The following HGD variants were observed in gnomAD, a reference collection of about 807,000 sequenced individuals.
HGD encodes homogentisate oxidase.
HGD carries 61 observed loss-of-function variants against 60.8 expected under a neutral mutation model. That is an observed-to-expected ratio of 1.00 (90% CI 0.82 to 1.24). The LOEUF (loss-of-function observed/expected upper bound fraction) is 1.24. Ranked by LOEUF, HGD falls within the 50% of genes most tolerant of loss-of-function variation. The pLI, the probability that HGD is intolerant of heterozygous loss-of-function variation, is 0.00. For missense variants in HGD, 542 were observed against 547.1 expected (o/e 0.99, Z 0.09); for synonymous variants, 212 against 187.7 (o/e 1.13, Z -1.06).
At chr3:120,635,885 C>T (rs1940755651) in intron 12 of HGD, among the ~76,000 whole-genome samples, 1 of 152,082 alleles carries the variant, frequency 6.6e-6, no homozygotes, top group African/African-American at 2.4e-5. Context: ...ATTATTCCTC[C>T]ACCTAGGGAT....
rs1708119512 is a variant in HGD, at chr3:120,675,845, TCC to T, written c.32_33del (p.Gly11GlufsTer2). The T allele has an allele frequency of 6.2e-7, 1 of 1,613,330 alleles. No individual in the cohort carries two copies. The highest frequency in any genetic ancestry group is 8.5e-7 in the Non-Finnish European group (1 of 1,179,494). On this transcript the variant is annotated frameshift_variant, in exon 2 of 14. Transcript: ENST00000283871. LOFTEE classifies it high-confidence loss of function. Reference sequence around the variant, plus strand: ...CGAGGATCCTCTGAAGAACACTCATTCCCAAATCCAGAAATGTACTGTAGGTG... The same window carrying T: ...CGAGGATCCTCTGAAGAACACTCATTCAAATCCAGAAATGTACTGTAGGTG... MAELKYISGF[G>X]NECSSEDPRC... is the part of the protein sequence containing the mutation.
At chr3:120,644,625 C>T in intron 9 of HGD, 182 bp from the exon 10 acceptor site, 1 of 1,529,030 alleles carries the variant, frequency 6.5e-7, no homozygotes. Flanking sequence ...GGAATCTGGT[C>T]AGAAAAAAAT....
Position 120,633,259 on chromosome 3 carries a change from G to A in HGD, c.1076C>T (p.Pro359Leu), listed in dbSNP as rs764037565. Residue 359 changes from proline to leucine, a missense_variant, in exon 13 of 14, where the codon CCA (proline) becomes CTA (leucine). Pro to Leu is a moderately conservative substitution (Grantham distance 98). Coordinates refer to ENST00000283871, the MANE Select transcript of HGD (RefSeq NM_000187.4). Reference sequence around the variant, plus strand: ...TGTGCTGTGTAGACTCCCTCCCCCTGGCAGGAACCCACCTTGCTTTGCCTC... The same window carrying A: ...TGTGCTGTGTAGACTCCCTCCCCCTAGCAGGAACCCACCTTGCTTTGCCTC... ...HYEAKQGGFL[P>L]GGGSLHSTMT... The A allele has an allele frequency of 3.2e-5, 52 of 1,613,912 alleles. No individual in the cohort carries two copies. The highest frequency in any genetic ancestry group is 4.2e-5 in the Non-Finnish European group (50 of 1,179,990).
intron 11 of HGD, among the ~76,000 whole-genome samples, chr3:120,639,769 C>T (rs1015618847): frequency 2.0e-5 from 3 of 152,144 alleles, no homozygotes; most frequent in African/African-American, 4.8e-5. Context: ...GCTTTCCTAC[C>T]TTTGTTTGAC....
chr3:120,639,779 C>T (rs985062141), intron 11 of HGD, among the ~76,000 whole-genome samples: 6 of 152,160 alleles, frequency 3.9e-5, no homozygotes, highest in African/African-American at 1.4e-4. Context: ...CTTTGTTTGA[C>T]TTTCAGGTCT....
At chr3:120,665,798 T>A (rs1707886399) in intron 4 of HGD, among the ~76,000 whole-genome samples, 1 of 152,214 alleles carries the variant, frequency 6.6e-6, no homozygotes, top group Non-Finnish European at 1.5e-5. Context: ...TTCCCAGAGA[T>A]GACTAATGTG....
chr3:120,661,673 G>A (rs1197305070), intron 4 of HGD, among the ~76,000 whole-genome samples: 1 of 152,236 alleles, frequency 6.6e-6, no homozygotes, highest in Non-Finnish European at 1.5e-5. Flanking sequence ...TTTGCAGACA[G>A]CGCCAATATC....
intron 9 of HGD, chr3:120,644,749 C>T (rs1941108536): frequency 1.5e-6 from 1 of 657,498 alleles, no homozygotes; most frequent in Non-Finnish European, 2.3e-6. Context: ...AGAAAGAGAA[C>T]TGAAAAGAGG....
intron 11 of HGD, among the ~76,000 whole-genome samples, chr3:120,638,888 A>T (rs1940875378): frequency 6.6e-6 from 1 of 152,004 alleles, no homozygotes; most frequent in Non-Finnish European, 1.5e-5. Context: ...AGGTAACTGA[A>T]TCATGGGGGC....
intron 4 of HGD, among the ~76,000 whole-genome samples, chr3:120,666,497 T>G (rs1479240774): frequency 1.3e-5 from 2 of 152,098 alleles, no homozygotes; most frequent in Non-Finnish European, 2.9e-5. Context: ...TCATTATTAT[T>G]TTGAGATGGA....
chr3:120,632,938 G>C (rs925889868), intron 13 of HGD, among the ~76,000 whole-genome samples: 3 of 152,146 alleles, frequency 2.0e-5, no homozygotes, highest in Non-Finnish European at 4.4e-5. Context: ...CTGACTCCAA[G>C]TCCAACGATC....
In HGD at chr3:120,641,634, G is replaced by T; in HGVS notation, c.834C>A (p.Asn278Lys). 1 of 1,613,916 alleles carries T rather than the reference G, an allele frequency of 6.2e-7. No homozygotes were observed. The highest frequency in any genetic ancestry group is 1.1e-5 in the South Asian group (1 of 91,078). ...AGTTGATAACCATGAAATTCTTCAG[G>T]TTGTACTTGTAGGGTGTATAATTCC... ...WHGNYTPYKY[N>K]LKNFMVINSV... is the part of the protein sequence containing the mutation. The change falls in exon 11 of 14, where the codon AAC becomes AAA. Residue 278 changes from asparagine to lysine, a missense_variant. This residue lies in a region of HGD where 537 missense variants were observed against 529.1 expected (regional missense o/e 1.01). Transcript: ENST00000283871.
intron 12 of HGD, among the ~76,000 whole-genome samples, chr3:120,636,334 C>A (rs913694425): frequency 1.3e-5 from 2 of 150,966 alleles, no homozygotes. Context: ...GTTAAAAATG[C>A]AAATTCTTAG....
At chr3:120,628,936 T>C (rs1042260987) in intron 13 of HGD, among the ~76,000 whole-genome samples, 3 of 152,218 alleles carry the variant, frequency 2.0e-5, no homozygotes, top group Admixed American at 6.5e-5. Context: ...ACTTCCCATT[T>C]TGCAGAGGAG....
chr3:120,664,855 G>A (rs1472369508), intron 4 of HGD, among the ~76,000 whole-genome samples: 2 of 152,200 alleles, frequency 1.3e-5, no homozygotes, highest in Admixed American at 6.5e-5. Context: ...TTAACTCTGT[G>A]TTAGTGGAAT....
chr3:120,674,950 G>A lies in HGD; in HGVS notation c.127C>T (p.Gln43Ter), dbSNP rs1243059404. The A allele has an allele frequency of 6.2e-7, 1 of 1,611,894 alleles. No homozygotes were observed. The highest frequency in any genetic ancestry group is 8.5e-7 in the Non-Finnish European group (1 of 1,178,292). Residue 43 changes from glutamine (Q) to a stop codon, truncating the protein, a stop_gained, in exon 3 of 14, where the codon CAG (glutamine) becomes TAG (stop). Coordinates refer to ENST00000283871, the MANE Select transcript of HGD (RefSeq NM_000187.4). LOFTEE classifies it high-confidence loss of function. Reference protein sequence around the residue: ...QVCPYNLYAEQLSGSAFTCPR... With the variant: ...QVCPYNLYAE ...CAAGTGAAAGCCGATCCTGAGAGCTGCTCAGCATAGAGATTGTAGGGGCAG... is the reference window on the plus strand; with the variant it reads ...CAAGTGAAAGCCGATCCTGAGAGCTACTCAGCATAGAGATTGTAGGGGCAG...
chr3:120,628,804 A>T (rs982569717), intron 13 of HGD, among the ~76,000 whole-genome samples: 1 of 152,200 alleles, frequency 6.6e-6, no homozygotes, highest in Non-Finnish European at 1.5e-5. Flanking sequence ...GCTTCAAATT[A>T]TCTTCATGGT....
intron 12 of HGD, among the ~76,000 whole-genome samples, chr3:120,636,533 C>A (rs1940788068): frequency 1.3e-5 from 2 of 152,168 alleles, no homozygotes; most frequent in African/African-American, 4.8e-5. Flanking sequence ...GAAGTACAGA[C>A]TATAAGCCAG....
Position 120,644,337 on chromosome 3 carries a change from C to T in HGD, c.756G>A (p.Lys252=), listed in dbSNP as rs375952822. The T allele has an allele frequency of 6.2e-7, 1 of 1,614,012 alleles. No individual in the cohort carries two copies. Among genetic ancestry groups the T allele is most frequent in the Non-Finnish European group, 8.5e-7 (1 of 1,180,022 alleles). Residue 252 remains lysine, a synonymous_variant, in exon 10 of 14, where the codon AAG becomes AAA. Coordinates refer to ENST00000283871, the MANE Select transcript of HGD (RefSeq NM_000187.4). ...GYTVINKYQG[K]LFAAKQDVSP... is the part of the protein sequence containing the mutation. ...ACTTTACCTGTTTGGCAGCAAACAG[C>T]TTGCCCTGGTATTTATTAATGACCG... is the stretch of plus-strand genomic sequence containing the variant.
Sources: allele counts gnomAD v4.1 joint callset (sites outside exome capture counted in the v4.1 genomes callset), GRCh38; gene constraint gnomAD v4.1.1; regional missense constraint gnomAD v4.1.1; transcripts MANE v1.5; gene names NCBI Gene and HGNC (gene_info 2026-07-23, HGNC 2026-07-21).